GFPT2: variants seen among roughly 807,000 people sequenced by gnomAD.
The protein encoded by GFPT2 is glutamine--fructose-6-phosphate aminotransferase [isomerizing] 2.
Under a neutral mutation model 85.6 loss-of-function variants are expected in GFPT2, and 62 were observed. The observed-to-expected ratio is 0.72, with a 90% CI of 0.59 to 0.90. GFPT2 has a LOEUF of 0.90. Ranked by LOEUF, GFPT2 falls within the 40% of genes least tolerant of loss-of-function variation. The probability of loss-of-function intolerance (pLI) is 0.00; values close to 1 mark genes in which losing one functional copy is unlikely to be tolerated. For missense variants in GFPT2, 788 were observed against 893.4 expected, an observed-to-expected ratio of 0.88 and a Z score of 1.50; for synonymous variants, 368 against 344.5, an observed-to-expected ratio of 1.07 and a Z score of -0.75.
intron 1 of GFPT2, among the ~76,000 whole-genome samples, chr5:180,348,646 C>T (rs1391864075): frequency 1.3e-5 from 2 of 152,132 alleles, no homozygotes; most frequent in Non-Finnish European, 2.9e-5. Flanking sequence ...TCTTTGGGAC[C>T]CCAGGAGTTA....
At position 180,313,849 on chromosome 5, in the gene GFPT2, G is replaced by C. The variant is rs199809518; in HGVS notation, c.1389C>G (p.Val463=). 2.7e-4 allele frequency: 430 copies of C among 1,595,662 alleles called. 2 individuals carry two copies. The highest frequency in any genetic ancestry group is 7.0e-5 in the Non-Finnish European group (82 of 1,174,374). Reference sequence around the variant, plus strand: ...CGATCTCCGGCCCTGCGTTGATGTGGACGCCGCAGTCGGTCTCGCGAGAGA... The same window carrying C: ...CGATCTCCGGCCCTGCGTTGATGTGCACGCCGCAGTCGGTCTCGCGAGAGA... The part of the protein sequence containing the change: ...SSISRETDCG[V]HINAGPEIGV... Residue 463 remains valine, a synonymous_variant, in exon 14 of 19, where the codon GTC becomes GTG. Transcript: ENST00000253778.
At position 180,308,124 on chromosome 5, in the gene GFPT2, C is replaced by T. The variant is rs11249696; in HGVS notation, c.1547-821G>A. Among the ~76,000 whole-genome samples the T allele has an allele frequency of 4.3e-3, 659 of 151,998 alleles. 11 individuals are homozygous for T. Among genetic ancestry groups the T allele is most frequent in the East Asian group, 0.04 (209 of 5,168 alleles). On this transcript the variant is annotated intron_variant, in intron 15 of 18. Transcript: ENST00000253778. Reference sequence around the variant, plus strand: ...ACAAAAAATTAGCCGGGCATGGTGGCGGGCGCCTGTAGTCCCAGCTACTCG... The same window carrying T: ...ACAAAAAATTAGCCGGGCATGGTGGTGGGCGCCTGTAGTCCCAGCTACTCG...
In GFPT2 at chr5:180,318,687, G is replaced by C; in HGVS notation, c.958+106C>G. On this transcript the variant is annotated intron_variant, in intron 10 of 18. Coordinates refer to ENST00000253778, the MANE Select transcript of GFPT2 (RefSeq NM_005110.4). The surrounding 1 kb of genome is among the most constrained non-coding windows in gnomAD (Gnocchi z 4.2). Reference sequence around the variant, plus strand: ...GCAGCCCCGCCCTGGTGGCCACAGAGGGCAGGAGGGCTGTGGCCTCTACTA... The same window carrying C: ...GCAGCCCCGCCCTGGTGGCCACAGACGGCAGGAGGGCTGTGGCCTCTACTA... 1.1e-6 allele frequency: 1 copy of C among 949,320 alleles called. No homozygotes were observed. The highest frequency in any genetic ancestry group is 1.6e-6 in the Non-Finnish European group (1 of 621,774). The allele number at this position is 949,320 out of a possible 1,614,324, so 58.8% of individuals were successfully genotyped here. A position where few individuals can be genotyped will look rare whatever the true frequency, so the allele number is the denominator to read the frequency against.
intron 15 of GFPT2, among the ~76,000 whole-genome samples, chr5:180,310,756 C>A (rs4574507): frequency 0.32 from 45,120 of 140,528 alleles, 6,920 homozygotes; most frequent in South Asian, 0.41. Flanking sequence ...TGGTGAAGGA[C>A]ACAATGACCA....
Position 180,324,169 on chromosome 5 carries a change from G to A in GFPT2, c.794+19C>T. 1.5e-6 allele frequency: 2 copies of A among 1,316,590 alleles called. No individual in the cohort carries two copies. Among genetic ancestry groups the A allele is most frequent in the Middle Eastern group, 1.8e-4 (1 of 5,478 alleles). 81.6% of individuals were successfully genotyped at this position (1,316,590 alleles called of 1,614,324 possible). On this transcript the variant is annotated intron_variant, in intron 9 of 18. Transcript: ENST00000253778. ...TGATTATGTAATCCCAGGAAGCGAA[G>A]AGAAGAAGGCTCAGTTACCTTGCAT...
chr5:180,324,117 AC>A (rs1764168076), intron 9 of GFPT2, 70 bp downstream of exon 9: 2 of 859,198 alleles, frequency 2.3e-6, no homozygotes, highest in Admixed American at 2.1e-5. Flanking sequence ...ATGAATAAGA[AC>A]CGGCAGTGTT....
intron 15 of GFPT2, among the ~76,000 whole-genome samples, chr5:180,311,486 G>A (rs955605404): frequency 2.1e-4 from 32 of 152,340 alleles, no homozygotes; most frequent in African/African-American, 6.3e-4. Flanking sequence ...CGACAGCTGC[G>A]ACTGCTGCTG....
intron 1 of GFPT2, among the ~76,000 whole-genome samples, chr5:180,343,703 GA>G (rs1175851482): frequency 6.6e-6 from 1 of 152,240 alleles, no homozygotes; most frequent in Non-Finnish European, 1.5e-5. Flanking sequence ...AGAATAAAAT[GA>G]AGCTCCTTTC....
At chr5:180,325,550 C>T (rs1167422396) in intron 7 of GFPT2, among the ~76,000 whole-genome samples, 1 of 152,222 alleles carries the variant, frequency 6.6e-6, no homozygotes. Flanking sequence ...CTGTCACAGG[C>T]AAAATCTCAG....
rs781093292 is a variant in GFPT2 at position 180,318,817 on chromosome 5, T to C, written c.934A>G (p.Met312Val). The part of the protein sequence containing the change: ...DPSRAIQTLQ[M>V]ELQQIMKGNF... ...CCTTTCATGATTTGCTGCAGTTCCA[T>C]CTGCAAGGTCTGGATGGCTCGAGAT... Residue 312 changes from methionine to valine, a missense_variant, in exon 10 of 19, where the codon ATG becomes GTG. Transcript: ENST00000253778. This position sits in a 1 kb window ranked among gnomAD's most constrained non-coding sequence, Gnocchi z 4.2. The C allele has an allele frequency of 6.2e-7, 1 of 1,613,976 alleles. No homozygotes were observed. The highest frequency in any genetic ancestry group is 8.5e-7 in the Non-Finnish European group (1 of 1,179,942).
chr5:180,343,333 G>A (rs752776042), intron 1 of GFPT2, among the ~76,000 whole-genome samples: 8 of 152,268 alleles, frequency 5.3e-5, no homozygotes, highest in East Asian at 3.9e-4. Context: ...TCAGACCCAC[G>A]ACAGCCTCCT....
At chr5:180,306,557 C>T (rs1342426938) in intron 16 of GFPT2, among the ~76,000 whole-genome samples, 2 of 152,164 alleles carry the variant, frequency 1.3e-5, no homozygotes, top group Non-Finnish European at 2.9e-5. Context: ...CTTTCTCTTT[C>T]CTGGCGTGGA....
At position 180,324,273 on chromosome 5, in the gene GFPT2, T is replaced by C. The variant is rs780260577; in HGVS notation, c.709A>G (p.Thr237Ala). 7.5e-6 allele frequency: 12 copies of C among 1,609,564 alleles called. No homozygotes were observed. In the East Asian group the frequency reaches 2.7e-4, roughly 36 times the overall value. The change falls in exon 9 of 19, where the codon ACA becomes GCA. Residue 237 changes from threonine (T) to alanine (A), a missense_variant. Thr to Ala is a moderately conservative substitution (Grantham distance 58, BLOSUM62 0). Coordinates refer to ENST00000253778, the MANE Select transcript of GFPT2 (RefSeq NM_005110.4). ...TLENVKNICK[T>A]RMKRLDSSAC... is the part of the protein sequence containing the mutation. ...GAGCTGTCCAGCCTCTTCATCCGTG[T>C]CTTACAGATATTCTTCACATTCTCC... is the stretch of plus-strand genomic sequence containing the variant.
intron 9 of GFPT2, among the ~76,000 whole-genome samples, chr5:180,321,001 C>T (rs906302570): frequency 6.6e-6 from 1 of 152,030 alleles, no homozygotes; most frequent in African/African-American, 2.4e-5. Flanking sequence ...ACTTCGTATG[C>T]TTTGTATAAA....
At chr5:180,339,946 G>A (rs757843215) in intron 1 of GFPT2, among the ~76,000 whole-genome samples, 7 of 152,260 alleles carry the variant, frequency 4.6e-5, no homozygotes, top group Non-Finnish European at 1.0e-4. Context: ...TCATAGAAAT[G>A]TCACTGGGTT....
intron 1 of GFPT2, among the ~76,000 whole-genome samples, chr5:180,340,879 T>TC (rs1764503111): frequency 6.6e-6 from 1 of 151,982 alleles, no homozygotes; most frequent in African/African-American, 2.4e-5. Flanking sequence ...CCTAATCGCC[T>TC]CCCCAAGGCC....
intron 1 of GFPT2, among the ~76,000 whole-genome samples, chr5:180,340,509 A>G (rs1490721186): frequency 1.3e-4 from 12 of 95,152 alleles, no homozygotes; most frequent in African/African-American, 3.8e-4. Context: ...CCTGGCCTGC[A>G]GGTTTTTTTT....
At position 180,328,590 on chromosome 5, in the gene GFPT2, C is replaced by A. The variant is rs1240050157; in HGVS notation, c.535-252G>T. On this transcript the variant is annotated intron_variant, in intron 6 of 18. Transcript: ENST00000253778. The surrounding 1 kb of genome is among the most constrained non-coding windows in gnomAD (Gnocchi z 5.4). ...GCGATGTGCGGCTTGCCCAGGCCCA[C>A]AGGGAGCCCGGCAGGGGTGCCAGCT... is the stretch of plus-strand genomic sequence containing the variant. Among the ~76,000 whole-genome samples, 2 of 152,220 alleles carry A rather than the reference C, an allele frequency of 1.3e-5. No individual in the cohort carries two copies. Among genetic ancestry groups the A allele is most frequent in the South Asian group, 4.1e-4 (2 of 4,836 alleles).
intron 1 of GFPT2, among the ~76,000 whole-genome samples, chr5:180,349,385 T>A (rs1292033646): frequency 6.6e-6 from 1 of 152,236 alleles, no homozygotes; most frequent in African/African-American, 2.4e-5. Flanking sequence ...CTCAAACTTA[T>A]AACCTCAAAT....
Sources: gnomAD v4.1 joint callset for allele counts (sites outside exome capture counted in the v4.1 genomes callset) on GRCh38, gnomAD v4.1.1 for gene constraint, Gnocchi (gnomAD v3.1) non-coding constraint, MANE v1.5 for transcripts, NCBI Gene and HGNC (gene_info 2026-07-23, HGNC 2026-07-21) for gene names.